The following NUP153 variants were observed in gnomAD, a reference collection of about 807,000 sequenced individuals.
NUP153 encodes nuclear pore complex protein Nup153.
NUP153 carries 27 observed loss-of-function variants against 134.6 expected under a neutral mutation model. That is an observed-to-expected ratio of 0.20 (90% CI 0.15 to 0.28). The LOEUF (loss-of-function observed/expected upper bound fraction) is 0.28. NUP153 is among the 10% of genes least tolerant of loss of function. NUP153 has a pLI of 1.00. For synonymous variants in NUP153, 640 were observed against 623.5 expected (o/e 1.03, Z -0.40); for missense variants, 1,821 against 1,731.3 (o/e 1.05, Z -0.92).
At chr6:17,653,112 G>C (rs1239317340) in intron 11 of NUP153, among the ~76,000 whole-genome samples, 1 of 152,060 alleles carries the variant, frequency 6.6e-6, no homozygotes, top group African/African-American at 2.4e-5. Context: ...AATTAGCCGG[G>C]CATGGCAGTG....
At chr6:17,676,711 A>G (rs1004829343) in intron 2 of NUP153, among the ~76,000 whole-genome samples, 1 of 152,192 alleles carries the variant, frequency 6.6e-6, no homozygotes, top group African/African-American at 2.4e-5. Flanking sequence ...TCACAAGGTG[A>G]GCCCTACGAT....
intron 12 of NUP153, 65 bp downstream of exon 12, chr6:17,649,098 G>T: frequency 8.0e-6 from 11 of 1,376,854 alleles, no homozygotes; most frequent in Admixed American, 2.3e-5. Context: ...ATAATATAGG[G>T]TTTTTTTTAA....
At chr6:17,640,484 C>A (rs1236444274) in intron 14 of NUP153, among the ~76,000 whole-genome samples, 1 of 152,114 alleles carries the variant, frequency 6.6e-6, no homozygotes, top group Non-Finnish European at 1.5e-5. Flanking sequence ...TAGAAATTCA[C>A]ACTATTAATA....
chr6:17,691,908 C>A (rs1045055523), intron 1 of NUP153, among the ~76,000 whole-genome samples: 4 of 152,178 alleles, frequency 2.6e-5, no homozygotes, highest in Middle Eastern at 3.4e-3. Flanking sequence ...AACTCCTGGG[C>A]TCTCATCTCA....
At position 17,662,002 on chromosome 6, in the gene NUP153, T is replaced by C; in HGVS notation, c.1268+16A>G. The C allele has an allele frequency of 6.4e-7, 1 of 1,566,502 alleles. No individual in the cohort carries two copies. The highest frequency in any genetic ancestry group is 8.8e-7 in the Non-Finnish European group (1 of 1,138,738). On this transcript the variant is annotated intron_variant, in intron 10 of 21. Transcript: ENST00000262077. ...TTAAATATAAAGAAGTATAGCTGTA[T>C]AAGAAATGACAGTACCTTTCTCGTT...
intron 1 of NUP153, among the ~76,000 whole-genome samples, chr6:17,701,446 G>A (rs1770064679): frequency 6.6e-6 from 1 of 151,810 alleles, no homozygotes; most frequent in Admixed American, 6.6e-5. Flanking sequence ...GGTGGATCAG[G>A]AAGTCAGGAG....
chr6:17,663,201 G>A (rs1248932042), intron 9 of NUP153, among the ~76,000 whole-genome samples: 1 of 150,556 alleles, frequency 6.6e-6, no homozygotes, highest in Non-Finnish European at 1.5e-5. Flanking sequence ...CAAATCTGTA[G>A]AAGTCCAATA....
At chr6:17,648,827 A>T (rs1324626115) in intron 12 of NUP153, among the ~76,000 whole-genome samples, 1 of 151,934 alleles carries the variant, frequency 6.6e-6, no homozygotes, top group Admixed American at 6.6e-5. Flanking sequence ...TCAGGAGCAC[A>T]TTAAAAGATG....
chr6:17,700,735 G>C (rs916406157), intron 1 of NUP153, among the ~76,000 whole-genome samples: 5 of 152,086 alleles, frequency 3.3e-5, no homozygotes, highest in Non-Finnish European at 7.4e-5. Context: ...ATGACCTGTG[G>C]GCTGGGCCAA....
chr6:17,645,453 G>C (rs1199704295), intron 14 of NUP153, among the ~76,000 whole-genome samples: 1 of 147,118 alleles, frequency 6.8e-6, no homozygotes, highest in Non-Finnish European at 1.5e-5. Context: ...ACCACCACCT[G>C]GTTATTTCTT....
chr6:17,689,692 AT>A (rs1431032756), intron 1 of NUP153, among the ~76,000 whole-genome samples: 7 of 151,496 alleles, frequency 4.6e-5, no homozygotes, highest in Admixed American at 4.6e-4. Context: ...CACCCAGCTA[AT>A]TTTGTATTTT....
At chr6:17,677,177 A>C (rs2113836339) in intron 2 of NUP153, among the ~76,000 whole-genome samples, 1 of 152,320 alleles carries the variant, frequency 6.6e-6, no homozygotes, top group South Asian at 2.1e-4. Flanking sequence ...GGCCCACCAC[A>C]TTGGGAGGCT....
At chr6:17,676,918 T>C (rs1768254956) in intron 2 of NUP153, among the ~76,000 whole-genome samples, 1 of 152,102 alleles carries the variant, frequency 6.6e-6, no homozygotes, top group African/African-American at 2.4e-5. Flanking sequence ...ACCTAAGCCT[T>C]ACGCAGCAGC....
intron 13 of NUP153, among the ~76,000 whole-genome samples, chr6:17,647,436 G>T (rs530554973): frequency 6.6e-6 from 1 of 152,304 alleles, no homozygotes; most frequent in African/African-American, 2.4e-5. Flanking sequence ...AGGACAGTCT[G>T]GGGATAATGG....
chr6:17,637,048 T>C (rs1765583592), intron 16 of NUP153, 105 bp downstream of exon 16: 4 of 1,128,588 alleles, frequency 3.5e-6, no homozygotes, highest in Non-Finnish European at 5.0e-6. Context: ...TTAATATGTA[T>C]GAGAAATGCT....
rs775087132 is a variant in NUP153, at chr6:17,632,849, A to G, written c.2465-5T>C. On this transcript the variant is annotated splice_region_variant and splice_polypyrimidine_tract_variant and intron_variant, in intron 16 of 21. Coordinates refer to ENST00000262077, the MANE Select transcript of NUP153 (RefSeq NM_005124.4). ...TTGAAGCAGGTACTGAACTTCCTAA[A>G]AAAAAAAAAAAAAACGGGGAGTGGG... The G allele has an allele frequency of 9.4e-6, 14 of 1,496,522 alleles. No individual in the cohort carries two copies. In the East Asian group the frequency reaches 2.8e-4, roughly 30 times the overall value. 92.7% of individuals were successfully genotyped at this position (1,496,522 alleles called of 1,614,324 possible). A position where few individuals can be genotyped will look rare whatever the true frequency, so the allele number is the denominator to read the frequency against.
intron 15 of NUP153, among the ~76,000 whole-genome samples, chr6:17,639,084 CT>C (rs921703974): frequency 1.5e-4 from 22 of 148,132 alleles, no homozygotes; most frequent in Admixed American, 4.1e-4. Context: ...CTTTTCCTTT[CT>C]TTTTTTTTTA....
intron 20 of NUP153, among the ~76,000 whole-genome samples, chr6:17,620,997 C>G (rs1371007112): frequency 6.6e-6 from 1 of 151,734 alleles, no homozygotes; most frequent in Non-Finnish European, 1.5e-5. Flanking sequence ...ACACAATGAG[C>G]TCAAAGAACT....
chr6:17,655,465 T>TC, intron 11 of NUP153, among the ~76,000 whole-genome samples: 1 of 151,872 alleles, frequency 6.6e-6, no homozygotes, highest in Non-Finnish European at 1.5e-5. Context: ...TTACTTTTTT[T>TC]TTTTTTAAGA....
Sources: allele counts gnomAD v4.1 joint callset (sites outside exome capture counted in the v4.1 genomes callset), GRCh38; gene constraint gnomAD v4.1.1; transcripts MANE v1.5; gene names NCBI Gene and HGNC (gene_info 2026-07-23, HGNC 2026-07-21).